The following ASXL3 variants were observed in gnomAD, a reference collection of about 807,000 sequenced individuals.
The protein encoded by ASXL3 is ASXL transcriptional regulator 3, also known as putative Polycomb group protein ASXL3.
ASXL3 carries 34 observed loss-of-function variants against 170.6 expected under a neutral mutation model. That is an observed-to-expected ratio of 0.20 (90% CI 0.15 to 0.27). The LOEUF (loss-of-function observed/expected upper bound fraction) is 0.27. Among genes scored for constraint, ASXL3 ranks in the 10% least tolerant of loss-of-function variants. The pLI, the probability that ASXL3 is intolerant of heterozygous loss-of-function variation, is 1.00. For synonymous variants in ASXL3, 1,002 were observed against 989.1 expected (o/e 1.01, Z -0.24); for missense variants, 2,592 against 2,695.3 (o/e 0.96, Z 0.85).
intron 7 of ASXL3, among the ~76,000 whole-genome samples, chr18:33,679,118 C>G (rs893305475): frequency 6.6e-5 from 10 of 152,092 alleles, no homozygotes; most frequent in African/African-American, 2.4e-4. Context: ...AACATTTCCT[C>G]CAATCAGAGT....
At chr18:33,724,978 A>T (rs2067324734) in intron 8 of ASXL3, among the ~76,000 whole-genome samples, 1 of 152,076 alleles carries the variant, frequency 6.6e-6, no homozygotes, top group Non-Finnish European at 1.5e-5. Flanking sequence ...CTTGTGGATA[A>T]ATCTTGAGCA....
intron 7 of ASXL3, among the ~76,000 whole-genome samples, chr18:33,680,025 T>C (rs2066490470): frequency 6.6e-6 from 1 of 152,006 alleles, no homozygotes; most frequent in Non-Finnish European, 1.5e-5. Context: ...TTCTTTCTTA[T>C]TATTCTTTAG....
chr18:33,718,938 A>G (rs535044082), intron 8 of ASXL3, among the ~76,000 whole-genome samples: 145 of 152,066 alleles, frequency 9.5e-4, no homozygotes, highest in Non-Finnish European at 1.9e-3. Flanking sequence ...CAAATAATAA[A>G]TATTATATCT....
intron 7 of ASXL3, among the ~76,000 whole-genome samples, chr18:33,674,512 G>C (rs2066394574): frequency 6.6e-6 from 1 of 152,188 alleles, no homozygotes; most frequent in Admixed American, 6.5e-5. Context: ...TGCAAATGAA[G>C]TCAGTAGTAC....
intron 2 of ASXL3, among the ~76,000 whole-genome samples, chr18:33,625,476 C>G (rs1255482093): frequency 2.0e-5 from 3 of 152,126 alleles, no homozygotes; most frequent in African/African-American, 4.8e-5. Flanking sequence ...AGTGAACTCT[C>G]TCTTTCAAAA....
Position 33,706,348 on chromosome 18 carries a change from A to AT in ASXL3, c.879+22786dup, listed in dbSNP as rs200987940. Among the ~76,000 whole-genome samples, 1,470 of 151,824 alleles carry AT rather than the reference A, an allele frequency of 9.7e-3. 31 individuals are homozygous for AT. The highest frequency in any genetic ancestry group is 0.033 in the African/African-American group (1,386 of 41,482). ...TGATTTTGGTCCACCTAAATACAAAATTTTTTGAGATATATGACTACAAGT... is the reference window on the plus strand; with the variant it reads ...TGATTTTGGTCCACCTAAATACAAAATTTTTTTGAGATATATGACTACAAGT... On this transcript the variant is annotated intron_variant, in intron 8 of 11. Coordinates refer to ENST00000269197, the MANE Select transcript of ASXL3 (RefSeq NM_030632.3).
chr18:33,681,245 G>A (rs759346641), intron 7 of ASXL3, among the ~76,000 whole-genome samples: 6 of 152,046 alleles, frequency 3.9e-5, no homozygotes, highest in South Asian at 4.1e-4. Context: ...TACAATGAAT[G>A]TTTGTTTGGA....
chr18:33,737,294 A>G (rs2067564860), intron 10 of ASXL3, among the ~76,000 whole-genome samples: 1 of 152,162 alleles, frequency 6.6e-6, no homozygotes, highest in Non-Finnish European at 1.5e-5. Flanking sequence ...TTAAAAAGCA[A>G]AGGTTAAAGT....
intron 7 of ASXL3, among the ~76,000 whole-genome samples, chr18:33,675,721 G>A (rs192998387): frequency 1.8e-4 from 27 of 152,228 alleles, no homozygotes; most frequent in Middle Eastern, 3.4e-3. Context: ...TTGGGCCTTA[G>A]CATCTAAGGA....
chr18:33,631,800 A>T (rs1186554857), intron 2 of ASXL3, among the ~76,000 whole-genome samples: 1 of 152,116 alleles, frequency 6.6e-6, no homozygotes, highest in Non-Finnish European at 1.5e-5. Flanking sequence ...AATTTCCCTA[A>T]AATTCGAATA....
chr18:33,641,159 T>G (rs368802609), intron 2 of ASXL3, among the ~76,000 whole-genome samples: 1 of 152,130 alleles, frequency 6.6e-6, no homozygotes, highest in African/African-American at 2.4e-5. Context: ...TTCCTTTCAC[T>G]AAGTATTCAC....
intron 8 of ASXL3, among the ~76,000 whole-genome samples, chr18:33,710,325 T>C (rs1283087491): frequency 6.6e-6 from 1 of 152,184 alleles, no homozygotes; most frequent in Non-Finnish European, 1.5e-5. Flanking sequence ...TTTCCCCCAC[T>C]TGTACCTTGT....
At chr18:33,702,009 T>G (rs2066882166) in intron 8 of ASXL3, among the ~76,000 whole-genome samples, 1 of 152,096 alleles carries the variant, frequency 6.6e-6, no homozygotes, top group African/African-American at 2.4e-5. Context: ...AAATTTTCAT[T>G]TTCATTATTT....
intron 8 of ASXL3, among the ~76,000 whole-genome samples, chr18:33,688,847 C>T (rs1599496815): frequency 6.6e-6 from 1 of 152,166 alleles, no homozygotes; most frequent in African/African-American, 2.4e-5. Flanking sequence ...ATCAGGAGGG[C>T]CTGTGCCCTC....
chr18:33,681,396 G>A (rs866478229), intron 7 of ASXL3, among the ~76,000 whole-genome samples: 1 of 151,978 alleles, frequency 6.6e-6, no homozygotes, highest in East Asian at 1.9e-4. Context: ...ATAGAGTTTC[G>A]ATTTAGGATA....
intron 7 of ASXL3, among the ~76,000 whole-genome samples, chr18:33,674,975 T>C (rs1440683155): frequency 6.6e-6 from 1 of 152,174 alleles, no homozygotes; most frequent in Non-Finnish European, 1.5e-5. Context: ...CAGACTGATA[T>C]TTAATACTCT....
Position 33,670,736 on chromosome 18 carries a change from C to T in ASXL3, c.541C>T (p.Arg181Cys), listed in dbSNP as rs781457290. 26 of 1,567,198 alleles carry T rather than the reference C, an allele frequency of 1.7e-5. No individual in the cohort carries two copies. The highest frequency in any genetic ancestry group is 7.0e-5 in the East Asian group (3 of 42,558). The change falls in exon 6 of 12, where the codon CGT becomes TGT. Residue 181 changes from arginine (R) to cysteine (C), a missense_variant. Arg to Cys is a radical substitution (Grantham distance 180). Transcript: ENST00000269197. Reference protein sequence around the residue: ...VSMMVNKTVPRVVLTPLKVSD... With the variant: ...VSMMVNKTVPCVVLTPLKVSD... ...AATGATGGTAAACAAGACTGTTCCT[C>T]GTGTTGTTTTGACACCATTAAAGGT...
intron 10 of ASXL3, among the ~76,000 whole-genome samples, chr18:33,736,231 A>T (rs970867920): frequency 1.3e-5 from 2 of 152,096 alleles, no homozygotes; most frequent in Non-Finnish European, 2.9e-5. Flanking sequence ...ATTCCCTTGG[A>T]TATCAGATCT....
chr18:33,662,974 C>A (rs1599462913), intron 5 of ASXL3, among the ~76,000 whole-genome samples: 1 of 152,088 alleles, frequency 6.6e-6, no homozygotes, highest in Non-Finnish European at 1.5e-5. Context: ...AATTATGTTA[C>A]CTTCCTATTT....
Sources: allele counts gnomAD v4.1 joint callset (sites outside exome capture counted in the v4.1 genomes callset), GRCh38; gene constraint gnomAD v4.1.1; transcripts MANE v1.5; gene names NCBI Gene and HGNC (gene_info 2026-07-23, HGNC 2026-07-21).